Variants in SNRNP48 observed in about 807,000 individuals in gnomAD.
SNRNP48 encodes U11/U12 small nuclear ribonucleoprotein 48 kDa protein.
In SNRNP48, 43 loss-of-function variants were observed where a neutral mutation model predicts 47.0. The ratio of observed to expected loss-of-function variants is 0.92; its 90% CI spans 0.72 to 1.18. SNRNP48 has a LOEUF of 1.18. Ranked by LOEUF, SNRNP48 falls within the 50% of genes most tolerant of loss-of-function variation. The probability of loss-of-function intolerance (pLI) is 0.00; values close to 1 mark genes in which losing one functional copy is unlikely to be tolerated. For missense variants in SNRNP48, 396 were observed against 422.2 expected, an observed-to-expected ratio of 0.94 and a Z score of 0.54; for synonymous variants, 138 against 144.0, an observed-to-expected ratio of 0.96 and a Z score of 0.30.
At chr6:7,608,754 A>AAAGTGGTGT (rs373705198) in intron 8 of SNRNP48, 71 bp from the exon 9 acceptor site, 54 of 885,940 alleles carry the variant, frequency 6.1e-5, no homozygotes, top group Non-Finnish European at 8.4e-5. Flanking sequence ...ATTACTGTTG[A>AAAGTGGTGT]ATTATTTTAA....
intron 1 of SNRNP48, 108 bp downstream of exon 1, chr6:7,590,521 C>G (rs1473589839): frequency 2.1e-5 from 25 of 1,183,758 alleles, no homozygotes; most frequent in Non-Finnish European, 2.3e-5. Flanking sequence ...GAGGAGTCCT[C>G]GTCCGTGTGC....
chr6:7,607,722 G>A (rs1760157967), intron 8 of SNRNP48, among the ~76,000 whole-genome samples: 1 of 152,160 alleles, frequency 6.6e-6, no homozygotes, highest in African/African-American at 2.4e-5. Context: ...CTCCATGAAG[G>A]CAAGGTCTGT....
At chr6:7,590,967 G>T (rs140002477) in intron 1 of SNRNP48, among the ~76,000 whole-genome samples, 254 of 152,360 alleles carry the variant, frequency 1.7e-3, no homozygotes, top group Non-Finnish European at 3.2e-3. Flanking sequence ...GACAGAGCAA[G>T]ACCCTGTCTC....
chr6:7,610,062 T>C lies in SNRNP48; in HGVS notation c.*1189T>C, dbSNP rs1034232504. ...CAGATTTTTGAGATTGATCCCTGTG[T>C]GTCAGTTGTGCATTTTTTTTGTTGC... is the stretch of plus-strand genomic sequence containing the variant. On this transcript the variant is annotated 3_prime_UTR_variant, in exon 9 of 9. Coordinates refer to ENST00000342415, the MANE Select transcript of SNRNP48 (RefSeq NM_152551.4). 1.3e-5 allele frequency: 2 copies of C among 152,262 alleles called. No homozygotes were observed. The highest frequency in any genetic ancestry group is 2.9e-5 in the Non-Finnish European group (2 of 68,066). 9.4% of individuals were successfully genotyped at this position (152,262 alleles called of 1,614,324 possible).
At chr6:7,596,880 T>G (rs1759913663) in intron 4 of SNRNP48, among the ~76,000 whole-genome samples, 1 of 152,164 alleles carries the variant, frequency 6.6e-6, no homozygotes, top group African/African-American at 2.4e-5. Context: ...CTTAAAGGAC[T>G]TTATTTGAGT....
At chr6:7,604,616 C>T (rs1760090253) in intron 6 of SNRNP48, among the ~76,000 whole-genome samples, 1 of 152,160 alleles carries the variant, frequency 6.6e-6, no homozygotes. Flanking sequence ...GTCCCCTATA[C>T]CTTTTTTCTG....
At chr6:7,600,250 A>G in intron 4 of SNRNP48, 2 of 965,812 alleles carry the variant, frequency 2.1e-6, no homozygotes, top group Non-Finnish European at 2.5e-6. Context: ...GTAGACAAGT[A>G]GTACCTCTTT....
In SNRNP48 at chr6:7,606,011, C is replaced by G; in HGVS notation, c.807-20C>G. On this transcript the variant is annotated intron_variant, in intron 7 of 8. Transcript: ENST00000342415. ...ACCAGTGGTAACACAAACTGATTAA[C>G]ATTCTTTTCTGTGTTTTAGGAATGA... 5 of 1,585,146 alleles carry G rather than the reference C, an allele frequency of 3.2e-6. No individual in the cohort carries two copies. The highest frequency in any genetic ancestry group is 4.3e-6 in the Non-Finnish European group (5 of 1,170,584).
intron 6 of SNRNP48, among the ~76,000 whole-genome samples, chr6:7,603,411 A>G (rs1760068004): frequency 6.6e-6 from 1 of 152,126 alleles, no homozygotes. Context: ...TAATTGCCTC[A>G]TTGATTCCCT....
At chr6:7,596,945 C>T (rs1215643962) in intron 4 of SNRNP48, among the ~76,000 whole-genome samples, 1 of 152,190 alleles carries the variant, frequency 6.6e-6, no homozygotes, top group Non-Finnish European at 1.5e-5. Flanking sequence ...TGGAGATCAT[C>T]TAATCCAGTG....
chr6:7,600,205 T>C, intron 4 of SNRNP48: 1 of 986,568 alleles, frequency 1.0e-6, no homozygotes, highest in Non-Finnish European at 1.2e-6. Flanking sequence ...TGTTAAACCA[T>C]GGCCTCAGAT....
intron 1 of SNRNP48, among the ~76,000 whole-genome samples, chr6:7,591,707 T>C (rs1759822119): frequency 4.6e-5 from 7 of 152,232 alleles, no homozygotes; most frequent in Admixed American, 4.6e-4. Flanking sequence ...CCACTTACAT[T>C]ACTTCATTTA....
chr6:7,598,587 T>A (rs1379081012), intron 4 of SNRNP48, among the ~76,000 whole-genome samples: 1 of 152,212 alleles, frequency 6.6e-6, no homozygotes, highest in Non-Finnish European at 1.5e-5. Context: ...GTCTTAGACA[T>A]TTTAAGATCT....
intron 4 of SNRNP48, among the ~76,000 whole-genome samples, chr6:7,597,586 T>G (rs1759925617): frequency 6.6e-6 from 1 of 152,186 alleles, no homozygotes; most frequent in South Asian, 2.1e-4. Context: ...AATTGGTAGC[T>G]TCTATGGTCT....
intron 1 of SNRNP48, among the ~76,000 whole-genome samples, chr6:7,591,861 T>C (rs762311855): frequency 1.3e-4 from 20 of 152,210 alleles, no homozygotes; most frequent in Non-Finnish European, 2.6e-4. Context: ...TACTGAAATT[T>C]AGTGAACAAC....
At chr6:7,590,909 T>G (rs1476056460) in intron 1 of SNRNP48, among the ~76,000 whole-genome samples, 1 of 152,020 alleles carries the variant, frequency 6.6e-6, no homozygotes, top group Non-Finnish European at 1.5e-5. Context: ...GCCCAGGAGG[T>G]CGAGGCTGCA....
intron 4 of SNRNP48, chr6:7,600,274 T>C (rs1759990644): frequency 1.1e-6 from 1 of 876,246 alleles, no homozygotes; most frequent in South Asian, 5.2e-5. Context: ...GTTGTAATGC[T>C]TAGTTCATAG....
chr6:7,609,126 T>G lies in SNRNP48; in HGVS notation c.*253T>G, dbSNP rs1183151652. The G allele has an allele frequency of 4.1e-6, 1 of 244,620 alleles. No individual in the cohort carries two copies. Among genetic ancestry groups the G allele is most frequent in the Non-Finnish European group, 7.9e-6 (1 of 126,822 alleles). 15.2% of individuals were successfully genotyped at this position (244,620 alleles called of 1,614,324 possible). ...TTGCTTCCTATAACTGATGTTGTTTTGTTCGTTTTGCTAATATATGTATCT... is the reference window on the plus strand; with the variant it reads ...TTGCTTCCTATAACTGATGTTGTTTGGTTCGTTTTGCTAATATATGTATCT... On this transcript the variant is annotated 3_prime_UTR_variant, in exon 9 of 9. Coordinates refer to ENST00000342415, the MANE Select transcript of SNRNP48 (RefSeq NM_152551.4).
chr6:7,590,540 G>A, intron 1 of SNRNP48, 127 bp downstream of exon 1: 1 of 1,103,362 alleles, frequency 9.1e-7, no homozygotes, highest in Non-Finnish European at 1.2e-6. Context: ...GCAGAGCCGC[G>A]ATGGGCGCCT....
Sources: gnomAD v4.1 joint callset for allele counts (sites outside exome capture counted in the v4.1 genomes callset) on GRCh38, gnomAD v4.1.1 for gene constraint, MANE v1.5 for transcripts, NCBI Gene and HGNC (gene_info 2026-07-23, HGNC 2026-07-21) for gene names.